TPRG1: variants seen among roughly 807,000 people sequenced by gnomAD.
The protein encoded by TPRG1 is tumor protein p63 regulated 1.
A neutral mutation model predicts 29.3 loss-of-function variants in TPRG1; 29 were observed. That is an observed-to-expected ratio of 0.99 (90% confidence interval 0.74 to 1.35). TPRG1 has a LOEUF of 1.35. TPRG1 is among the 40% of genes most tolerant of loss of function. TPRG1 has a pLI of 0.00. For synonymous variants in TPRG1, 130 were observed against 116.8 expected (o/e 1.11, Z -0.73); for missense variants, 327 against 335.0 (o/e 0.98, Z 0.19).
chr3:189,119,707 C>T (rs549212136), intron 1 of TPRG1, among the ~76,000 whole-genome samples: 16 of 152,294 alleles, frequency 1.1e-4, no homozygotes, highest in Admixed American at 5.9e-4. Flanking sequence ...TCTCTCCTGC[C>T]GCCATGTGAA....
intron 1 of TPRG1, among the ~76,000 whole-genome samples, chr3:189,191,378 C>A (rs1731666598): frequency 6.6e-6 from 1 of 152,128 alleles, no homozygotes; most frequent in Non-Finnish European, 1.5e-5. Flanking sequence ...TTCCTCTTCC[C>A]ACATTTGTGC....
intron 4 of TPRG1, among the ~76,000 whole-genome samples, chr3:189,032,595 CT>C (rs570117851): frequency 5.2e-4 from 74 of 142,258 alleles, no homozygotes; most frequent in Middle Eastern, 6.9e-3. Flanking sequence ...CTTTTTTTTT[CT>C]TTTTTTTTAT....
At chr3:189,047,118 C>T (rs1715026524) in intron 4 of TPRG1, among the ~76,000 whole-genome samples, 1 of 151,858 alleles carries the variant, frequency 6.6e-6, no homozygotes, top group Non-Finnish European at 1.5e-5. Flanking sequence ...AAACTGATGC[C>T]AAAGTAAGAG....
rs35745185 is a variant in TPRG1 at position 189,160,796 on chromosome 3, AC to A, written c.-10+9925del. ...GGGGGATGAAAATTTAGATCATCAC[AC>A]GGAAAATACTTATCGTGTTCTTCAT... On this transcript the variant is annotated intron_variant, in intron 5 of 6. Coordinates refer to the TPRG1 transcript ENST00000412373. Among the ~76,000 whole-genome samples the A allele has an allele frequency of 9.8e-5, 15 of 152,372 alleles. No individual in the cohort carries two copies. In the East Asian group the frequency reaches 2.9e-3, roughly 29 times the overall value.
At chr3:189,038,962 G>A (rs1325266941) in intron 4 of TPRG1, among the ~76,000 whole-genome samples, 1 of 152,148 alleles carries the variant, frequency 6.6e-6, no homozygotes, top group Non-Finnish European at 1.5e-5. Flanking sequence ...AAAGTCAGAT[G>A]GTATCATTGT....
rs190466745 is a variant in TPRG1 at position 189,037,362 on chromosome 3, G to C, written c.-463+13416G>C. 2.8e-4 allele frequency among the ~76,000 whole-genome samples: 42 copies of C among 151,880 alleles called. No homozygotes were observed. The East Asian group carries it at 7.3e-3, about 27-fold the overall frequency. On this transcript the variant is annotated intron_variant, in intron 4 of 10. Transcript: ENST00000433971. ...TATCAGAAGCTCTATCAATGTAACAGTAGTAATTTACTAAGGAAACAAATC... is the reference window on the plus strand; with the variant it reads ...TATCAGAAGCTCTATCAATGTAACACTAGTAATTTACTAAGGAAACAAATC...
chr3:189,252,050 G>C (rs1380519850), intron 4 of TPRG1, among the ~76,000 whole-genome samples: 1 of 152,262 alleles, frequency 6.6e-6, no homozygotes, highest in East Asian at 1.9e-4. Flanking sequence ...CTTCTGCAGT[G>C]TTTGTGTCCC....
intron 4 of TPRG1, among the ~76,000 whole-genome samples, chr3:189,077,798 A>G (rs1006277361): frequency 6.6e-5 from 10 of 152,126 alleles, no homozygotes; most frequent in Admixed American, 3.9e-4. Context: ...CTTTCTTACC[A>G]GATATTTTCT....
At chr3:189,079,772 C>T (rs367914232) in intron 4 of TPRG1, among the ~76,000 whole-genome samples, 48 of 152,154 alleles carry the variant, frequency 3.2e-4, no homozygotes, top group South Asian at 6.2e-4. Context: ...TGGACATAAA[C>T]TCAGTCTTCT....
At chr3:189,070,932 G>T (rs994197903) in intron 4 of TPRG1, among the ~76,000 whole-genome samples, 8 of 152,082 alleles carry the variant, frequency 5.3e-5, no homozygotes, top group African/African-American at 1.9e-4. Context: ...GGGGATGAAG[G>T]AAGGCCTGTT....
chr3:189,146,870 TAG>T (rs1725332417), intron 3 of TPRG1, among the ~76,000 whole-genome samples: 1 of 152,242 alleles, frequency 6.6e-6, no homozygotes, highest in Non-Finnish European at 1.5e-5. Flanking sequence ...GAATCATTTC[TAG>T]AGAGTTGTGC....
intron 3 of TPRG1, among the ~76,000 whole-genome samples, chr3:189,138,357 T>C (rs190499271): frequency 1.3e-5 from 2 of 152,306 alleles, no homozygotes; most frequent in Admixed American, 6.5e-5. Flanking sequence ...CAATGATTGC[T>C]TGGGTTTTAT....
intron 1 of TPRG1, among the ~76,000 whole-genome samples, chr3:189,192,970 A>G (rs1022634711): frequency 1.3e-5 from 2 of 152,148 alleles, no homozygotes; most frequent in African/African-American, 4.8e-5. Flanking sequence ...CTGGTTGTCA[A>G]TAATTTCCTT....
At chr3:189,121,281 T>C (rs927391663) in intron 1 of TPRG1, 1 of 152,200 alleles carries the variant, frequency 6.6e-6, no homozygotes, top group Non-Finnish European at 1.5e-5. Context: ...TCATTTCCTC[T>C]TCCTGGATAC....
intron 4 of TPRG1, among the ~76,000 whole-genome samples, chr3:189,269,696 C>T (rs553443981): frequency 6.6e-6 from 1 of 152,310 alleles, no homozygotes; most frequent in East Asian, 1.9e-4. Flanking sequence ...AGAAGAAATA[C>T]AAGCTTTTGG....
intron 3 of TPRG1, among the ~76,000 whole-genome samples, chr3:189,219,043 G>C (rs1427911332): frequency 1.3e-5 from 2 of 152,100 alleles, no homozygotes; most frequent in African/African-American, 4.8e-5. Context: ...GACCACTATT[G>C]GCCCTCAACC....
At chr3:189,291,951 T>A (rs1274756797) in intron 4 of TPRG1, among the ~76,000 whole-genome samples, 1 of 152,170 alleles carries the variant, frequency 6.6e-6, no homozygotes, top group African/African-American at 2.4e-5. Context: ...GGCTTCTACT[T>A]ATCAATGGCT....
chr3:189,281,374 G>C (rs1717093525), intron 4 of TPRG1, among the ~76,000 whole-genome samples: 1 of 152,126 alleles, frequency 6.6e-6, no homozygotes, highest in Non-Finnish European at 1.5e-5. Flanking sequence ...CTACATTGTT[G>C]GGTCTGTATG....
intron 4 of TPRG1, among the ~76,000 whole-genome samples, chr3:189,028,822 G>A (rs1010021335): frequency 6.6e-6 from 1 of 152,094 alleles, no homozygotes; most frequent in Non-Finnish European, 1.5e-5. Context: ...TCTACTGTAC[G>A]TTAGTTAGAG....
Sources: allele counts gnomAD v4.1 joint callset (sites outside exome capture counted in the v4.1 genomes callset), GRCh38; gene constraint gnomAD v4.1.1; transcripts MANE v1.5; gene names NCBI Gene and HGNC (gene_info 2026-07-23, HGNC 2026-07-21).